Variants in FOXJ3 observed in about 807,000 individuals in gnomAD.
The protein encoded by FOXJ3 is forkhead box protein J3.
Under a neutral mutation model 76.1 loss-of-function variants are expected in FOXJ3, and 22 were observed. The observed-to-expected ratio is 0.29, with a 90% CI of 0.21 to 0.41. The LOEUF is 0.41. FOXJ3 is among the 10% of genes least tolerant of loss of function. FOXJ3 has a pLI of 1.00. For synonymous variants in FOXJ3, 269 were observed against 261.2 expected, an observed-to-expected ratio of 1.03 and a Z score of -0.29; for missense variants, 613 against 762.1, an observed-to-expected ratio of 0.80 and a Z score of 2.30.
rs192525244 is a variant in FOXJ3, at chr1:42,178,070, A to T, written c.*1640T>A. 2 of 152,742 alleles carry T rather than the reference A, an allele frequency of 1.3e-5. No individual in the cohort carries two copies. The highest frequency in any genetic ancestry group is 2.9e-5 in the Non-Finnish European group (2 of 68,028). 9.5% of individuals were successfully genotyped at this position (152,742 alleles called of 1,614,324 possible). On this transcript the variant is annotated 3_prime_UTR_variant, in exon 13 of 13. Transcript: ENST00000361346. ...GTTTTATCATAAAACTAAGATAATCAGTCCATGCAAACTGTGATATGATAT... is the reference window on the plus strand; with the variant it reads ...GTTTTATCATAAAACTAAGATAATCTGTCCATGCAAACTGTGATATGATAT...
rs138622713 is a variant in FOXJ3, at chr1:42,191,523, T to C, written c.1131A>G (p.Thr377=). ...QVSLSHPQMH[T]QPSPHPPHRP... is the part of the protein sequence containing the mutation. ...GATGGGGAGGATGTGGAGATGGCTG[T>C]GTGTGCATCTGGGGGTGAGACAGTG... Residue 377 remains threonine, a synonymous_variant, in exon 9 of 13, where the codon ACA becomes ACG. Transcript: ENST00000361346. 975 of 1,613,960 alleles carry C rather than the reference T, an allele frequency of 6.0e-4. 5 individuals carry two copies. In the African/African-American group the frequency reaches 0.012, roughly 20 times the overall value.
chr1:42,181,897 A>ACACT lies in FOXJ3; in HGVS notation c.1753+19_1753+20insAGTG, dbSNP rs371709706. ...CACACACACACACACACACACACTC[A>ACACT]CTCTCTCTCTCTCTCTTACCTGCCA... On this transcript the variant is annotated intron_variant, in intron 12 of 12. Coordinates refer to ENST00000361346, the MANE Select transcript of FOXJ3 (RefSeq NM_014947.5). 25 of 1,193,142 alleles carry ACACT rather than the reference A, an allele frequency of 2.1e-5. No homozygotes were observed. The highest frequency in any genetic ancestry group is 1.2e-6 in the Non-Finnish European group (1 of 842,232). The allele number at this position is 1,193,142 out of a possible 1,614,324, so 73.9% of individuals were successfully genotyped here.
chr1:42,208,224 C>T (rs1646897485), intron 5 of FOXJ3, among the ~76,000 whole-genome samples: 2 of 152,188 alleles, frequency 1.3e-5, no homozygotes, highest in South Asian at 4.1e-4. Flanking sequence ...ACTATGATGA[C>T]CACTAGAATA....
intron 2 of FOXJ3, among the ~76,000 whole-genome samples, chr1:42,285,256 T>G (rs1652978180): frequency 6.6e-6 from 1 of 152,142 alleles, no homozygotes; most frequent in South Asian, 2.1e-4. Flanking sequence ...TTCTTCCTGA[T>G]GCCCTCCCTC....
intron 2 of FOXJ3, among the ~76,000 whole-genome samples, chr1:42,285,135 G>C (rs1428437173): frequency 3.3e-5 from 5 of 151,788 alleles, no homozygotes; most frequent in Non-Finnish European, 1.5e-5. Context: ...ATAAGTTCAG[G>C]GGTACATTTG....
At chr1:42,258,980 G>C (rs759467560) in intron 4 of FOXJ3, among the ~76,000 whole-genome samples, 3 of 152,148 alleles carry the variant, frequency 2.0e-5, no homozygotes, top group Non-Finnish European at 4.4e-5. Flanking sequence ...TAACTTGATG[G>C]TCAAATGATC....
At chr1:42,194,393 G>A (rs925328928) in intron 8 of FOXJ3, among the ~76,000 whole-genome samples, 4 of 152,168 alleles carry the variant, frequency 2.6e-5, no homozygotes, top group Admixed American at 6.5e-5. Flanking sequence ...TAAGTATATC[G>A]TGTACAACAA....
chr1:42,318,237 A>G (rs930968453), intron 1 of FOXJ3, among the ~76,000 whole-genome samples: 1 of 152,230 alleles, frequency 6.6e-6, no homozygotes, highest in African/African-American at 2.4e-5. Context: ...TAATAATCCA[A>G]TTTAATAATG....
In FOXJ3 at chr1:42,280,100, T is replaced by C. The variant is rs115029957; in HGVS notation, c.45-1428A>G. ...TTTCCTCATCTGTAAAATGCAACAA[T>C]AGTACTTATGGTCAAAATATTACTT... On this transcript the variant is annotated intron_variant, in intron 2 of 12. Coordinates refer to ENST00000361346, the MANE Select transcript of FOXJ3 (RefSeq NM_014947.5). 7.1e-3 allele frequency among the ~76,000 whole-genome samples: 1,087 copies of C among 152,210 alleles called. 22 individuals are homozygous for C. Among genetic ancestry groups the C allele is most frequent in the African/African-American group, 0.025 (1,049 of 41,542 alleles).
intron 5 of FOXJ3, among the ~76,000 whole-genome samples, chr1:42,206,228 C>T (rs1317075420): frequency 2.0e-5 from 3 of 152,208 alleles, no homozygotes; most frequent in Non-Finnish European, 2.9e-5. Flanking sequence ...CACAGACTAC[C>T]TTTCTAGATT....
At chr1:42,227,583 A>G (rs1182828519) in intron 5 of FOXJ3, among the ~76,000 whole-genome samples, 1 of 152,218 alleles carries the variant, frequency 6.6e-6, no homozygotes, top group Admixed American at 6.5e-5. Flanking sequence ...ACATAAAACT[A>G]TTCCTAAATG....
chr1:42,267,528 C>T (rs1164619990), intron 3 of FOXJ3, among the ~76,000 whole-genome samples: 2 of 152,038 alleles, frequency 1.3e-5, no homozygotes, highest in Non-Finnish European at 2.9e-5. Flanking sequence ...TTTAACTCAA[C>T]GTCTACCATT....
chr1:42,229,584 G>C (rs1407048601), intron 4 of FOXJ3, among the ~76,000 whole-genome samples: 2 of 152,014 alleles, frequency 1.3e-5, no homozygotes, highest in Admixed American at 1.3e-4. Flanking sequence ...CTACTGCTGG[G>C]GTATTTCTAT....
chr1:42,333,340 ATTAAG>A (rs375821519), intron 1 of FOXJ3, among the ~76,000 whole-genome samples: 105 of 152,280 alleles, frequency 6.9e-4, no homozygotes, highest in African/African-American at 2.4e-3. Context: ...ACTTTGAAAC[ATTAAG>A]TTTTTTTATT....
chr1:42,299,902 C>T (rs1172841942), intron 2 of FOXJ3, among the ~76,000 whole-genome samples: 1 of 151,254 alleles, frequency 6.6e-6, no homozygotes, highest in African/African-American at 2.4e-5. Flanking sequence ...AGCAAGACTC[C>T]ATCTTAAAAT....
chr1:42,198,527 AAAAG>A (rs1248097706), intron 7 of FOXJ3, among the ~76,000 whole-genome samples: 4 of 152,308 alleles, frequency 2.6e-5, no homozygotes, highest in African/African-American at 9.6e-5. Context: ...AGGTAGTTTG[AAAAG>A]AAATAACAGA....
In FOXJ3 at chr1:42,305,334, T is replaced by C. The variant is rs545852414; in HGVS notation, c.44+5716A>G. 3.9e-5 allele frequency among the ~76,000 whole-genome samples: 6 copies of C among 152,216 alleles called. No individual in the cohort carries two copies. The East Asian group carries it at 1.2e-3, about 29-fold the overall frequency. On this transcript the variant is annotated intron_variant, in intron 2 of 12. Coordinates refer to ENST00000361346, the MANE Select transcript of FOXJ3 (RefSeq NM_014947.5). ...TTAGTACAACCACTATGGTGAACAG[T>C]TTGGAAGTTCCTCAAAAAAAACTAA...
At chr1:42,211,115 G>A (rs1163700805) in intron 5 of FOXJ3, among the ~76,000 whole-genome samples, 2 of 152,156 alleles carry the variant, frequency 1.3e-5, no homozygotes, top group African/African-American at 2.4e-5. Context: ...AGGCGGCCCT[G>A]GTGCTCGTGA....
At chr1:42,318,055 G>C (rs1387397576) in intron 1 of FOXJ3, among the ~76,000 whole-genome samples, 1 of 151,994 alleles carries the variant, frequency 6.6e-6, no homozygotes, top group Admixed American at 6.6e-5. Context: ...AAAAATTGGG[G>C]GGAAAAAAGA....
Sources: gnomAD v4.1 joint callset for allele counts (sites outside exome capture counted in the v4.1 genomes callset) on GRCh38, gnomAD v4.1.1 for gene constraint, MANE v1.5 for transcripts, NCBI Gene and HGNC (gene_info 2026-07-23, HGNC 2026-07-21) for gene names.